Variants in ERCC3 observed in about 807,000 individuals in gnomAD.
ERCC3 encodes the protein general transcription and DNA repair factor IIH helicase/translocase subunit XPB.
In ERCC3, 66 loss-of-function variants were observed where a neutral mutation model predicts 94.2. That is an observed-to-expected ratio of 0.70 (90% CI 0.57 to 0.86). The LOEUF (loss-of-function observed/expected upper bound fraction) is 0.86. ERCC3 is among the 40% of genes least tolerant of loss of function. ERCC3 has a pLI of 0.00. For synonymous variants in ERCC3, 349 were observed against 369.1 expected (o/e 0.95, Z 0.63); for missense variants, 829 against 987.1 (o/e 0.84, Z 2.15).
chr2:127,267,747 T>C lies in ERCC3; in HGVS notation c.1945+3589A>G, dbSNP rs139618092. Among the ~76,000 whole-genome samples the C allele has an allele frequency of 8.8e-4, 134 of 152,322 alleles. 2 individuals are homozygous for C. The highest frequency in any genetic ancestry group is 3.0e-3 in the African/African-American group (124 of 41,578). On this transcript the variant is annotated intron_variant, in intron 12 of 14. Coordinates refer to ENST00000285398, the MANE Select transcript of ERCC3 (RefSeq NM_000122.2). The stretch of plus-strand genomic sequence containing the variant: ...TTTGTGGTAGCAGGTGTCACCATTC[T>C]TTCATTTCCATGTTTAGAACTCTCA...
At chr2:127,273,473 G>A (rs1684629948) in intron 10 of ERCC3, among the ~76,000 whole-genome samples, 1 of 151,536 alleles carries the variant, frequency 6.6e-6, no homozygotes, top group Non-Finnish European at 1.5e-5. Context: ...CTCCCTGCCA[G>A]GCGCGGTGGT....
chr2:127,266,713 T>A (rs890582344), intron 12 of ERCC3, among the ~76,000 whole-genome samples: 153 of 126,666 alleles, frequency 1.2e-3, no homozygotes, highest in Admixed American at 3.4e-3. Flanking sequence ...TCAATTATTT[T>A]TTTTTTTTTT....
intron 12 of ERCC3, chr2:127,261,737 A>T (rs1684196174): frequency 3.5e-6 from 1 of 285,980 alleles, no homozygotes; most frequent in Non-Finnish European, 6.8e-6. Context: ...CCACACCATT[A>T]ATCACCAGGG....
Position 127,280,609 on chromosome 2 carries a change from G to C in ERCC3, c.1365C>G (p.Leu455=), listed in dbSNP as rs781680348. ...GCTTACAGTGGGCCTGCACGATGGTGAGCACCCTTCGGAACATCTTGGCTG... is the reference window on the plus strand; with the variant it reads ...GCTTACAGTGGGCCTGCACGATGGTCAGCACCCTTCGGAACATCTTGGCTG... ...TIPAKMFRRV[L]TIVQAHCKLG... The change falls in exon 9 of 15, where the codon CTC becomes CTG. Residue 455 remains leucine, a synonymous_variant. Transcript: ENST00000285398. The surrounding 1 kb of genome is among the most constrained non-coding windows in gnomAD (Gnocchi z 6.3). 5.6e-6 allele frequency: 9 copies of C among 1,614,160 alleles called. No individual in the cohort carries two copies. Among genetic ancestry groups the C allele is most frequent in the African/African-American group, 1.3e-5 (1 of 75,072 alleles).
chr2:127,259,245 G>A lies in ERCC3; in HGVS notation c.2217+51C>T, dbSNP rs777775687. On this transcript the variant is annotated intron_variant, in intron 14 of 14. Transcript: ENST00000285398. The surrounding 1 kb of genome is among the most constrained non-coding windows in gnomAD (Gnocchi z 4.9). ...CATGTCTGTGTCTGTGTCTACAAAC[G>A]CTGCCCTGTGAGAGCACTGACACCT... 8.1e-6 allele frequency: 13 copies of A among 1,606,608 alleles called. No individual in the cohort carries two copies. The East Asian group carries it at 8.9e-5, about 11-fold the overall frequency.
chr2:127,280,758 C>T lies in ERCC3; in HGVS notation c.1343-127G>A, dbSNP rs925086189. The T allele has an allele frequency of 2.2e-5, 19 of 860,090 alleles. No individual in the cohort carries two copies. Among genetic ancestry groups the T allele is most frequent in the Middle Eastern group, 3.4e-4 (1 of 2,980 alleles). The allele number at this position is 860,090 out of a possible 1,614,324, so 53.3% of individuals were successfully genotyped here. ...CCCAGGCTGGTCTTGAACTCCTGGC[C>T]TCAAGCAATCCCCCTGCCTTCGCCT... is the stretch of plus-strand genomic sequence containing the variant. On this transcript the variant is annotated intron_variant, in intron 8 of 14. Transcript: ENST00000285398. The surrounding 1 kb of genome is among the most constrained non-coding windows in gnomAD (Gnocchi z 6.3).
At position 127,279,245 on chromosome 2, in the gene ERCC3, C is replaced by T. The variant is rs768051277; in HGVS notation, c.1658G>A (p.Arg553Lys). Reference sequence around the variant, plus strand: ...AAAGACAATAATCTTGTCATTCCTCCTTTCATGAAACTTGATCAGAAACTG... The same window carrying T: ...AAAGACAATAATCTTGTCATTCCTCTTTTCATGAAACTTGATCAGAAACTG... Reference protein sequence around the residue: ...ACQFLIKFHERRNDKIIVFAD... With the variant: ...ACQFLIKFHEKRNDKIIVFAD... Residue 553 changes from arginine (R) to lysine (K), a missense_variant, in exon 10 of 15, where the codon AGG (arginine) becomes AAG (lysine). Physicochemically the swap from Arg to Lys is conservative, Grantham distance 26 (BLOSUM62 2). Transcript: ENST00000285398. This position sits in a 1 kb window ranked among gnomAD's most constrained non-coding sequence, Gnocchi z 4.7. The T allele has an allele frequency of 1.9e-6, 3 of 1,613,780 alleles. No homozygotes were observed. The highest frequency in any genetic ancestry group is 2.5e-6 in the Non-Finnish European group (3 of 1,179,684).
In ERCC3 at chr2:127,279,609, A is replaced by G. The variant is rs1684844147; in HGVS notation, c.1528-234T>C. ...AAACCCAGTCTCTACTAAAAATACAAAAATTAGCTGGGTGTGGTAGTGCAT... is the reference window on the plus strand; with the variant it reads ...AAACCCAGTCTCTACTAAAAATACAGAAATTAGCTGGGTGTGGTAGTGCAT... On this transcript the variant is annotated intron_variant, in intron 9 of 14. Transcript: ENST00000285398. This position sits in a 1 kb window ranked among gnomAD's most constrained non-coding sequence, Gnocchi z 4.7. Among the ~76,000 whole-genome samples, 1 of 152,158 alleles carries G rather than the reference A, an allele frequency of 6.6e-6. No individual in the cohort carries two copies. Among genetic ancestry groups the G allele is most frequent in the Admixed American group, 6.5e-5 (1 of 15,276 alleles).
intron 8 of ERCC3, among the ~76,000 whole-genome samples, chr2:127,286,089 G>A (rs994991981): frequency 1.2e-4 from 19 of 152,100 alleles, no homozygotes; most frequent in Non-Finnish European, 1.5e-5. Context: ...CCACCATTTT[G>A]GGAAGGGCTT....
At position 127,279,074 on chromosome 2, in the gene ERCC3, C is replaced by A; in HGVS notation, c.1730+99G>T. 1 of 809,216 alleles carries A rather than the reference C, an allele frequency of 1.2e-6. No homozygotes were observed. Among genetic ancestry groups the A allele is most frequent in the Non-Finnish European group, 2.1e-6 (1 of 478,988 alleles). 50.1% of individuals were successfully genotyped at this position (809,216 alleles called of 1,614,324 possible). On this transcript the variant is annotated intron_variant, in intron 10 of 14. Transcript: ENST00000285398. The surrounding 1 kb of genome is among the most constrained non-coding windows in gnomAD (Gnocchi z 4.7). ...AAGATCTTTGGAGCCCAAGAAGTTC[C>A]TGAGAGAAAAACAAAAAAACAAAAC...
rs373942211 is a variant in ERCC3, at chr2:127,268,255, G to T, written c.1945+3081C>A. Among the ~76,000 whole-genome samples the T allele has an allele frequency of 2.3e-3, 353 of 152,046 alleles. 1 individual carries two copies. The highest frequency in any genetic ancestry group is 7.7e-3 in the African/African-American group (320 of 41,482). ...AGGTGTGAGCCACCGCGCCTGGCCTGTTTTTTTGTTTGTTTTTGTTTTAAA... is the reference window on the plus strand; with the variant it reads ...AGGTGTGAGCCACCGCGCCTGGCCTTTTTTTTTGTTTGTTTTTGTTTTAAA... On this transcript the variant is annotated intron_variant, in intron 12 of 14. Transcript: ENST00000285398.
intron 12 of ERCC3, among the ~76,000 whole-genome samples, chr2:127,269,834 T>C (rs940030978): frequency 3.3e-5 from 5 of 151,652 alleles, no homozygotes; most frequent in Non-Finnish European, 7.4e-5. Flanking sequence ...CTGGCCAAAA[T>C]GGTGAAACCC....
chr2:127,293,401 G>A, intron 2 of ERCC3, 112 bp downstream of exon 2: 1 of 1,003,502 alleles, frequency 1.0e-6, no homozygotes, highest in Non-Finnish European at 1.5e-6. Context: ...ATTCTCTCCC[G>A]GCCAGTTCTA....
At chr2:127,287,839 G>A (rs3768866) in intron 7 of ERCC3, among the ~76,000 whole-genome samples, 53,468 of 151,776 alleles carry the variant, frequency 0.35, 10,180 homozygotes, top group East Asian at 0.61. Context: ...GAAATTCCAG[G>A]AGCTTCTGAG....
chr2:127,290,519 C>T, intron 3 of ERCC3: 1 of 566,368 alleles, frequency 1.8e-6, no homozygotes, highest in Non-Finnish European at 3.2e-6. Flanking sequence ...TTATAAAACG[C>T]TGCTTAAAAT....
chr2:127,279,271 G>A lies in ERCC3; in HGVS notation c.1632C>T (p.Cys544=), dbSNP rs2104759863. ...YTMNPNKFRA[C]QFLIKFHERR... ...TTTCATGAAACTTGATCAGAAACTG[G>A]CAAGCTCTAAATTTGTTGGGGTTCA... The change falls in exon 10 of 15, where the codon TGC becomes TGT. Residue 544 remains cysteine (C), a synonymous_variant. Coordinates refer to ENST00000285398, the MANE Select transcript of ERCC3 (RefSeq NM_000122.2). The surrounding 1 kb of genome is among the most constrained non-coding windows in gnomAD (Gnocchi z 4.7). The A allele has an allele frequency of 6.2e-7, 1 of 1,613,504 alleles. No homozygotes were observed. Among genetic ancestry groups the A allele is most frequent in the Non-Finnish European group, 8.5e-7 (1 of 1,179,464 alleles).
intron 10 of ERCC3, among the ~76,000 whole-genome samples, chr2:127,273,822 A>G (rs900263174): frequency 2.0e-5 from 3 of 151,604 alleles, no homozygotes; most frequent in Non-Finnish European, 4.4e-5. Flanking sequence ...AATGAACTCA[A>G]TGGTTATCAT....
At chr2:127,290,200 CA>C (rs752029817) in intron 4 of ERCC3, 23 bp downstream of exon 4, 1 of 1,602,542 alleles carries the variant, frequency 6.2e-7, no homozygotes, top group South Asian at 1.1e-5. Context: ...TGCCTTGGGA[CA>C]GGCCTGTCAT....
At chr2:127,283,752 T>C (rs1684987814) in intron 8 of ERCC3, among the ~76,000 whole-genome samples, 1 of 152,210 alleles carries the variant, frequency 6.6e-6, no homozygotes, top group African/African-American at 2.4e-5. Flanking sequence ...TTTTGGCCCT[T>C]CTAACTGGCA....
Sources: allele counts gnomAD v4.1 joint callset (sites outside exome capture counted in the v4.1 genomes callset), GRCh38; gene constraint gnomAD v4.1.1; non-coding constraint Gnocchi (gnomAD v3.1); transcripts MANE v1.5; gene names NCBI Gene and HGNC (gene_info 2026-07-23, HGNC 2026-07-21).